Variants in NLRC5 observed in about 807,000 individuals in gnomAD.
NLRC5 encodes the protein protein NLRC5.
A neutral mutation model predicts 206.9 loss-of-function variants in NLRC5; 114 were observed. The observed-to-expected ratio is 0.55, with a 90% confidence interval of 0.47 to 0.64. NLRC5 has a LOEUF of 0.64. NLRC5 is among the 30% of genes least tolerant of loss of function. NLRC5 has a pLI of 0.00. For synonymous variants in NLRC5, 952 were observed against 962.8 expected, an observed-to-expected ratio of 0.99 and a Z score of 0.21; for missense variants, 2,008 against 2,305.5, an observed-to-expected ratio of 0.87 and a Z score of 2.64.
chr16:56,991,569 A>T (rs1210752275), intron 1 of NLRC5, among the ~76,000 whole-genome samples: 1 of 150,096 alleles, frequency 6.7e-6, no homozygotes, highest in East Asian at 2.0e-4. Flanking sequence ...TTTAGTAGAG[A>T]TGGGGTTTCA....
chr16:57,082,809 C>T lies in NLRC5; in HGVS notation c.*281C>T, dbSNP rs942730681. The T allele has an allele frequency of 3.0e-5, 10 of 335,730 alleles. No individual in the cohort carries two copies. Among genetic ancestry groups the T allele is most frequent in the Non-Finnish European group, 4.9e-5 (9 of 182,748 alleles). 20.8% of individuals were successfully genotyped at this position (335,730 alleles called of 1,614,324 possible). A position where few individuals can be genotyped will look rare whatever the true frequency, so the allele number is the denominator to read the frequency against. Reference sequence around the variant, plus strand: ...GAGGGTGTCATGACAATGCATGACACGTACGGTTATATGTGGCAGTGTGAC... The same window carrying T: ...GAGGGTGTCATGACAATGCATGACATGTACGGTTATATGTGGCAGTGTGAC... On this transcript the variant is annotated 3_prime_UTR_variant, in exon 49 of 49. Coordinates refer to ENST00000688547, the MANE Select transcript of NLRC5 (RefSeq NM_001384950.1).
Position 57,077,701 on chromosome 16 carries a change from G to T in NLRC5, c.4920-18G>T, listed in dbSNP as rs772534958. 1 of 1,550,710 alleles carries T rather than the reference G, an allele frequency of 6.4e-7. No homozygotes were observed. The highest frequency in any genetic ancestry group is 8.7e-7 in the Non-Finnish European group (1 of 1,146,098). On this transcript the variant is annotated intron_variant, in intron 41 of 48. Transcript: ENST00000688547. Reference sequence around the variant, plus strand: ...AGAGGGGGCATCAGAGGACCTGATGGCTGCCCCCCTCCCACAGCCTCTCAG... The same window carrying T: ...AGAGGGGGCATCAGAGGACCTGATGTCTGCCCCCCTCCCACAGCCTCTCAG...
intron 38 of NLRC5, among the ~76,000 whole-genome samples, chr16:57,072,017 A>G (rs1378019511): frequency 6.6e-6 from 1 of 152,144 alleles, no homozygotes; most frequent in Non-Finnish European, 1.5e-5. Context: ...AACCTTGGTC[A>G]TAGGAAACAG....
chr16:57,022,118 T>A (rs1317201913), intron 3 of NLRC5, 138 bp from the exon 4 acceptor site: 7 of 621,646 alleles, frequency 1.1e-5, no homozygotes, highest in Admixed American at 3.1e-5. Context: ...CCACAACAGA[T>A]AACTGAGTGT....
At chr16:57,060,848 A>G (rs2066375560) in intron 30 of NLRC5, among the ~76,000 whole-genome samples, 1 of 152,212 alleles carries the variant, frequency 6.6e-6, no homozygotes, top group African/African-American at 2.4e-5. Flanking sequence ...CTGCCTCATC[A>G]GAGTGAACTG....
At chr16:57,012,113 T>A (rs1483249940) in intron 1 of NLRC5, among the ~76,000 whole-genome samples, 1 of 152,256 alleles carries the variant, frequency 6.6e-6, no homozygotes, top group Non-Finnish European at 1.5e-5. Flanking sequence ...TAGATTTGCC[T>A]TTTCTGGATG....
intron 18 of NLRC5, 49 bp from the exon 19 acceptor site, chr16:57,041,933 C>A: frequency 7.7e-6 from 10 of 1,304,322 alleles, no homozygotes; most frequent in Non-Finnish European, 1.1e-5. Context: ...CTGCCAGCAA[C>A]CCACTCCCCA....
rs760518770 is a variant in NLRC5 at position 57,026,708 on chromosome 16, G to A, written c.1765G>A (p.Gly589Ser). The change falls in exon 6 of 49, where the codon GGT becomes AGT. Residue 589 changes from glycine (G) to serine (S), a missense_variant. Coordinates refer to ENST00000688547, the MANE Select transcript of NLRC5 (RefSeq NM_001384950.1). ...HLAQGNEDCV[G>S]AKQAAVVQVL... Reference sequence around the variant, plus strand: ...GGCGCAGGGCAATGAGGACTGTGTGGGTGCCAAGCAGGCTGCTGTAGTGCA... The same window carrying A: ...GGCGCAGGGCAATGAGGACTGTGTGAGTGCCAAGCAGGCTGCTGTAGTGCA... 6.2e-7 allele frequency: 1 copy of A among 1,614,062 alleles called. No individual in the cohort carries two copies. The highest frequency in any genetic ancestry group is 8.5e-7 in the Non-Finnish European group (1 of 1,179,934).
chr16:57,037,344 C>A, intron 15 of NLRC5, 60 bp downstream of exon 15: 1 of 1,469,240 alleles, frequency 6.8e-7, no homozygotes, highest in Non-Finnish European at 9.4e-7. Flanking sequence ...TCTCTGAAGC[C>A]CTTGGAATTC....
intron 20 of NLRC5, among the ~76,000 whole-genome samples, chr16:57,044,908 T>C (rs765329510): frequency 6.8e-6 from 1 of 146,676 alleles, no homozygotes; most frequent in Non-Finnish European, 1.5e-5. Context: ...AGACTCTGTC[T>C]CAAAGAAAAA....
At position 57,061,575 on chromosome 16, in the gene NLRC5, G is replaced by A. The variant is rs747562424; in HGVS notation, c.4071-43G>A. On this transcript the variant is annotated intron_variant, in intron 31 of 48. Coordinates refer to ENST00000688547, the MANE Select transcript of NLRC5 (RefSeq NM_001384950.1). ...CCGTGAGGACAGCAGAGGGGTGGGG[G>A]CACCCTGCCAGAGCCACCTCAGTGA... The A allele has an allele frequency of 3.0e-5, 48 of 1,608,006 alleles. No individual in the cohort carries two copies. In the Middle Eastern group the frequency reaches 4.9e-4, roughly 17 times the overall value.
chr16:57,078,088 G>GA (rs2068640989), intron 43 of NLRC5, 68 bp downstream of exon 43: 3 of 1,336,762 alleles, frequency 2.2e-6, no homozygotes, highest in South Asian at 2.9e-5. Flanking sequence ...CAGTGGGGGG[G>GA]TCCAGGCCCC....
In NLRC5 at chr16:57,067,461, A is replaced by G. The variant is rs7185320; in HGVS notation, c.4397A>G (p.Gln1466Arg). ...GQLMETCARL[Q>R]QLSLSQVNLC... Reference sequence around the variant, plus strand: ...CTGATGGAGACATGTGCCAGGCTGCAGCAGCTCAGGTCAGCGCCTGGAAAC... The same window carrying G: ...CTGATGGAGACATGTGCCAGGCTGCGGCAGCTCAGGTCAGCGCCTGGAAAC... Residue 1466 changes from glutamine to arginine, a missense_variant, in exon 35 of 49, where the codon CAG becomes CGG. Coordinates refer to ENST00000688547, the MANE Select transcript of NLRC5 (RefSeq NM_001384950.1). The G allele has an allele frequency of 0.06, 96,217 of 1,613,648 alleles. 3,688 individuals are homozygous for G. Among genetic ancestry groups the G allele is most frequent in the African/African-American group, 0.13 (9,639 of 75,006 alleles).
At chr16:56,995,141 C>T (rs2057440992) in intron 1 of NLRC5, among the ~76,000 whole-genome samples, 1 of 152,168 alleles carries the variant, frequency 6.6e-6, no homozygotes, top group Non-Finnish European at 1.5e-5. Context: ...GCCATGCTCT[C>T]CAGCCTGAGT....
chr16:57,016,290 T>A (rs1597165782), intron 1 of NLRC5, among the ~76,000 whole-genome samples: 1 of 152,340 alleles, frequency 6.6e-6, no homozygotes, highest in East Asian at 1.9e-4. Context: ...AAAAGATCTC[T>A]CTTTTCCTTT....
intron 36 of NLRC5, 61 bp downstream of exon 36, chr16:57,067,889 C>G (rs893824512): frequency 2.5e-5 from 32 of 1,295,402 alleles, no homozygotes; most frequent in Non-Finnish European, 3.1e-5. Flanking sequence ...TGACACCTCC[C>G]GTTATTCCCA....
At chr16:57,023,923 G>A (rs1379797394) in intron 5 of NLRC5, 70 bp downstream of exon 5, 31 of 1,416,072 alleles carry the variant, frequency 2.2e-5, no homozygotes, top group Non-Finnish European at 3.0e-5. Context: ...CCCGGACCCT[G>A]GACCTTGTCC....
At chr16:57,077,832 T>C in intron 42 of NLRC5, 30 bp downstream of exon 42, 1 of 1,588,602 alleles carries the variant, frequency 6.3e-7, no homozygotes, top group East Asian at 2.2e-5. Context: ...GCCTCTGCCC[T>C]CTGTGCCCCC....
In NLRC5 at chr16:57,037,208, G is replaced by T; in HGVS notation, c.2725G>T (p.Gly909Trp). 1 of 1,613,728 alleles carries T rather than the reference G, an allele frequency of 6.2e-7. No homozygotes were observed. The highest frequency in any genetic ancestry group is 2.2e-5 in the East Asian group (1 of 44,862). Residue 909 changes from glycine to tryptophan, a missense_variant, in exon 15 of 49, where the codon GGG (glycine) becomes TGG (tryptophan). Coordinates refer to ENST00000688547, the MANE Select transcript of NLRC5 (RefSeq NM_001384950.1). The part of the protein sequence containing the change: ...IARKLDLSNN[G>W]LSVAGVHCVL... ...TGCTCTCCACAGCCTCAGTAACAAC[G>T]GGCTTTCTGTGGCCGGGGTGCATTG...
Sources: allele counts gnomAD v4.1 joint callset (sites outside exome capture counted in the v4.1 genomes callset), GRCh38; gene constraint gnomAD v4.1.1; transcripts MANE v1.5; gene names NCBI Gene and HGNC (gene_info 2026-07-23, HGNC 2026-07-21).